The following DSTN variants were observed in gnomAD, a reference collection of about 807,000 sequenced individuals.
DSTN encodes destrin, actin depolymerizing factor.
Under a neutral mutation model 16.8 loss-of-function variants are expected in DSTN, and 10 were observed. The observed-to-expected ratio is 0.60, with a 90% CI of 0.37 to 1.01. DSTN has a LOEUF of 1.01. Among genes scored for constraint, DSTN ranks in the 50% least tolerant of loss-of-function variants. DSTN has a pLI of 0.01. For synonymous variants in DSTN, 57 were observed against 58.9 expected, an observed-to-expected ratio of 0.97 and a Z score of 0.14; for missense variants, 141 against 196.7, an observed-to-expected ratio of 0.72 and a Z score of 1.69.
At chr20:17,601,872 A>G (rs149475643) in intron 2 of DSTN, among the ~76,000 whole-genome samples, 56 of 152,062 alleles carry the variant, frequency 3.7e-4, no homozygotes, top group African/African-American at 1.3e-3. Flanking sequence ...ATTCCTTGAT[A>G]TGGCCAGGAG....
chr20:17,575,396 C>T (rs1027257604), intron 1 of DSTN, among the ~76,000 whole-genome samples: 9 of 151,860 alleles, frequency 5.9e-5, no homozygotes, highest in African/African-American at 1.9e-4. Flanking sequence ...GAGCTAGTCT[C>T]TTTGTTGTAC....
intron 3 of DSTN, 113 bp from the exon 4 acceptor site, chr20:17,606,924 A>G (rs941960697): frequency 5.5e-6 from 5 of 912,210 alleles, no homozygotes; most frequent in Non-Finnish European, 8.4e-6. Context: ...CCGTGTTTGT[A>G]TATACCCCAG....
chr20:17,606,038 G>C (rs1024199345), intron 3 of DSTN, among the ~76,000 whole-genome samples: 5 of 152,012 alleles, frequency 3.3e-5, no homozygotes, highest in Non-Finnish European at 7.4e-5. Flanking sequence ...AACCCAAGAG[G>C]CAGAGGTTGC....
chr20:17,573,641 A>G (rs73898336), intron 1 of DSTN, among the ~76,000 whole-genome samples: 3,439 of 152,236 alleles, frequency 0.023, 113 homozygotes, highest in African/African-American at 0.078. Context: ...GTATCTCATC[A>G]TTAACAGCTT....
intron 1 of DSTN, among the ~76,000 whole-genome samples, chr20:17,593,664 G>A (rs1334803834): frequency 6.6e-6 from 1 of 152,214 alleles, no homozygotes; most frequent in Non-Finnish European, 1.5e-5. Flanking sequence ...TATAGTATGA[G>A]CAAAGGCCCT....
intron 1 of DSTN, among the ~76,000 whole-genome samples, chr20:17,583,318 G>T (rs529757749): frequency 1.2e-4 from 1 of 8,484 alleles, no homozygotes; most frequent in South Asian, 8.1e-3. Context: ...GCTACCGTAT[G>T]ACTCAGCAGT....
intron 1 of DSTN, among the ~76,000 whole-genome samples, chr20:17,579,035 C>G (rs1047943515): frequency 6.7e-6 from 1 of 149,992 alleles, no homozygotes; most frequent in Admixed American, 6.6e-5. Flanking sequence ...TTATCTCATT[C>G]AACCCTTATA....
intron 1 of DSTN, among the ~76,000 whole-genome samples, chr20:17,593,610 G>A (rs992106382): frequency 1.3e-5 from 2 of 152,214 alleles, no homozygotes; most frequent in Admixed American, 1.3e-4. Context: ...CATCTAAAGA[G>A]TATTAGCCAA....
At chr20:17,605,825 G>T (rs1237205391) in intron 3 of DSTN, among the ~76,000 whole-genome samples, 1 of 152,142 alleles carries the variant, frequency 6.6e-6, no homozygotes, top group African/African-American at 2.4e-5. Context: ...GTGGCCGGCT[G>T]GGTGTGGTGG....
At chr20:17,584,047 C>G (rs944169821) in intron 1 of DSTN, among the ~76,000 whole-genome samples, 5 of 152,078 alleles carry the variant, frequency 3.3e-5, no homozygotes, top group Non-Finnish European at 7.4e-5. Context: ...CCCAGGGTTT[C>G]TTTTTGTGGT....
At chr20:17,599,438 G>A (rs1027958720) in intron 1 of DSTN, 13 of 152,226 alleles carry the variant, frequency 8.5e-5, no homozygotes, top group Admixed American at 8.5e-4. Context: ...CTGTCTCATG[G>A]TCACTCCACA....
At chr20:17,590,232 A>C (rs2035455164) in intron 1 of DSTN, among the ~76,000 whole-genome samples, 1 of 152,242 alleles carries the variant, frequency 6.6e-6, no homozygotes, top group South Asian at 2.1e-4. Flanking sequence ...TAAAATACCC[A>C]GTGTTCCATA....
chr20:17,604,982 C>G (rs2035626542), intron 3 of DSTN: 1 of 454,142 alleles, frequency 2.2e-6, no homozygotes, highest in Admixed American at 2.5e-5. Context: ...TTTGCTCTTG[C>G]CTTTGAATGT....
At chr20:17,572,853 GCTAT>G (rs2035222949) in intron 1 of DSTN, among the ~76,000 whole-genome samples, 1 of 152,088 alleles carries the variant, frequency 6.6e-6, no homozygotes, top group African/African-American at 2.4e-5. Context: ...GAAAAACAGG[GCTAT>G]CTTATTGCCA....
rs1389155653 is a variant in DSTN at position 17,607,324 on chromosome 20, T to G, written c.*178T>G. ...CCTAAATAAATCTAAAGTCTAAAGT[T>G]TTATTGATGTGAAATTAAATTCTTA... On this transcript the variant is annotated 3_prime_UTR_variant, in exon 4 of 4. Coordinates refer to ENST00000246069, the MANE Select transcript of DSTN (RefSeq NM_006870.4). The G allele has an allele frequency of 2.1e-6, 1 of 481,928 alleles. No homozygotes were observed. The highest frequency in any genetic ancestry group is 3.6e-6 in the Non-Finnish European group (1 of 281,316). 29.9% of individuals were successfully genotyped at this position (481,928 alleles called of 1,614,324 possible). A position where few individuals can be genotyped will look rare whatever the true frequency, so the allele number is the denominator to read the frequency against.
At chr20:17,573,810 G>GCTGCATC (rs1351107372) in intron 1 of DSTN, among the ~76,000 whole-genome samples, 1 of 151,642 alleles carries the variant, frequency 6.6e-6, no homozygotes, top group Non-Finnish European at 1.5e-5. Context: ...TTACACGCAT[G>GCTGCATC]CTGCATCCTG....
chr20:17,584,633 C>T (rs1035067657), intron 1 of DSTN, among the ~76,000 whole-genome samples: 1 of 118,252 alleles, frequency 8.5e-6, no homozygotes, highest in African/African-American at 3.2e-5. Context: ...GCCTGGGCAA[C>T]AAGAACGAAA....
intron 1 of DSTN, among the ~76,000 whole-genome samples, chr20:17,579,297 A>G (rs1300168360): frequency 1.3e-5 from 2 of 152,070 alleles, no homozygotes; most frequent in East Asian, 3.9e-4. Flanking sequence ...GGCACAGGCC[A>G]GGTGTGGAGG....
intron 2 of DSTN, among the ~76,000 whole-genome samples, chr20:17,603,375 G>A (rs766910449): frequency 1.3e-5 from 2 of 152,026 alleles, no homozygotes; most frequent in Non-Finnish European, 2.9e-5. Context: ...CTCAAATAAC[G>A]TCATTTCTTT....
Sources: gnomAD v4.1 joint callset for allele counts (sites outside exome capture counted in the v4.1 genomes callset) on GRCh38, gnomAD v4.1.1 for gene constraint, MANE v1.5 for transcripts, NCBI Gene and HGNC (gene_info 2026-07-23, HGNC 2026-07-21) for gene names.